Variants in SDK1 observed in about 807,000 individuals in gnomAD.
SDK1 encodes the protein sidekick cell adhesion molecule 1.
Under a neutral mutation model 245.5 loss-of-function variants are expected in SDK1, and 157 were observed. The ratio of observed to expected loss-of-function variants is 0.64; its 90% CI spans 0.56 to 0.73. The LOEUF is 0.73. Ranked by LOEUF, SDK1 falls within the 30% of genes least tolerant of loss-of-function variation. The pLI is 0.00. For synonymous variants in SDK1, 1,647 were observed against 1,278.5 expected, an observed-to-expected ratio of 1.29 and a Z score of -6.15; for missense variants, 3,583 against 3,002.3, an observed-to-expected ratio of 1.19 and a Z score of -4.52.
intron 4 of SDK1, among the ~76,000 whole-genome samples, chr7:3,799,038 G>A (rs1779038316): frequency 6.6e-6 from 1 of 151,926 alleles, no homozygotes; most frequent in Non-Finnish European, 1.5e-5. Flanking sequence ...TTGTCTCTTC[G>A]CCTTCAATTA....
At chr7:3,425,727 A>G (rs1427760766) in intron 1 of SDK1, among the ~76,000 whole-genome samples, 1 of 152,232 alleles carries the variant, frequency 6.6e-6, no homozygotes, top group Non-Finnish European at 1.5e-5. Context: ...AGATAAGTAG[A>G]AAAAGACAGT....
intron 1 of SDK1, among the ~76,000 whole-genome samples, chr7:3,367,788 C>T (rs1374093984): frequency 6.6e-6 from 1 of 152,194 alleles, no homozygotes; most frequent in Non-Finnish European, 1.5e-5. Context: ...CATGTACCTC[C>T]AGGGAATTCA....
chr7:3,826,638 A>T (rs1232592557), intron 5 of SDK1, among the ~76,000 whole-genome samples: 1 of 152,130 alleles, frequency 6.6e-6, no homozygotes, highest in Non-Finnish European at 1.5e-5. Flanking sequence ...CTCCGGGCAA[A>T]GGTGAAACTG....
At chr7:3,850,169 C>A (rs375127925) in intron 5 of SDK1, among the ~76,000 whole-genome samples, 2 of 152,308 alleles carry the variant, frequency 1.3e-5, no homozygotes, top group South Asian at 2.1e-4. Context: ...GACCCACCCC[C>A]CTTCGAGTCT....
intron 1 of SDK1, among the ~76,000 whole-genome samples, chr7:3,443,157 A>G (rs947142825): frequency 7.9e-5 from 12 of 151,936 alleles, no homozygotes; most frequent in African/African-American, 2.7e-4. Flanking sequence ...TTTATGTTCT[A>G]TATAGCAATG....
intron 38 of SDK1, among the ~76,000 whole-genome samples, chr7:4,210,927 A>ACACACAAGAATCCTGGGGAAGAT (rs1275677168): frequency 3.3e-5 from 5 of 152,196 alleles, no homozygotes; most frequent in African/African-American, 1.2e-4. Context: ...AAGGGCCCGG[A>ACACACAAGAATCCTGGGGAAGAT]CACACAAGAA....
At chr7:3,835,826 T>A (rs1780018082) in intron 5 of SDK1, among the ~76,000 whole-genome samples, 1 of 152,226 alleles carries the variant, frequency 6.6e-6, no homozygotes, top group Admixed American at 6.5e-5. Flanking sequence ...ATTGGGATGT[T>A]CTAAGTCAGG....
intron 2 of SDK1, among the ~76,000 whole-genome samples, chr7:3,626,935 T>A (rs1294705100): frequency 2.6e-5 from 4 of 152,084 alleles, no homozygotes; most frequent in East Asian, 1.9e-4. Context: ...CAATTTTTTT[T>A]TTTTTATTTT....
chr7:4,169,686 C>T (rs186059609), intron 32 of SDK1, among the ~76,000 whole-genome samples: 20 of 152,292 alleles, frequency 1.3e-4, no homozygotes, highest in African/African-American at 3.8e-4. Flanking sequence ...TCAGTGTTTG[C>T]GTGCATTCCT....
intron 7 of SDK1, among the ~76,000 whole-genome samples, chr7:3,957,396 G>A (rs942338550): frequency 6.6e-6 from 1 of 152,188 alleles, no homozygotes; most frequent in Non-Finnish European, 1.5e-5. Flanking sequence ...TTACCATTGC[G>A]GGAAGCCGAG....
intron 28 of SDK1, among the ~76,000 whole-genome samples, chr7:4,135,356 G>A (rs185510097): frequency 2.6e-5 from 4 of 152,296 alleles, no homozygotes; most frequent in Admixed American, 1.3e-4. Context: ...AAAGGTGAGC[G>A]CATTCACACT....
chr7:3,918,706 A>G (rs1391658287), intron 5 of SDK1, among the ~76,000 whole-genome samples: 3 of 152,160 alleles, frequency 2.0e-5, no homozygotes, highest in East Asian at 1.9e-4. Context: ...CCCTGTGCCA[A>G]AAAGGCTGGG....
chr7:4,133,312 A>C (rs568430984), intron 28 of SDK1, among the ~76,000 whole-genome samples: 1 of 152,228 alleles, frequency 6.6e-6, no homozygotes, highest in South Asian at 2.1e-4. Flanking sequence ...CAGTTCCTTG[A>C]CTCATTCACC....
At chr7:3,625,570 T>G (rs539390224) in intron 2 of SDK1, among the ~76,000 whole-genome samples, 2 of 152,284 alleles carry the variant, frequency 1.3e-5, no homozygotes, top group South Asian at 4.2e-4. Flanking sequence ...TGGCAGTCAC[T>G]CTAAGTGGCT....
At chr7:4,205,011 C>CGGA (rs148171334) in intron 35 of SDK1, among the ~76,000 whole-genome samples, 2,100 of 146,820 alleles carry the variant, frequency 0.014, 166 homozygotes, top group African/African-American at 0.024. Flanking sequence ...TGGTAAGGCG[C>CGGA]GGAGGTGCGG....
At chr7:3,553,686 G>T (rs1779489306) in intron 1 of SDK1, among the ~76,000 whole-genome samples, 1 of 152,166 alleles carries the variant, frequency 6.6e-6, no homozygotes, top group Admixed American at 6.5e-5. Context: ...GGGCTTCTGT[G>T]AAGCAATTGT....
intron 40 of SDK1, among the ~76,000 whole-genome samples, chr7:4,225,692 C>T (rs570927058): frequency 7.2e-5 from 11 of 152,192 alleles, no homozygotes; most frequent in Middle Eastern, 3.4e-3. Context: ...ACTGGGCCCA[C>T]GCCTCAGAGT....
In SDK1 at chr7:3,619,062, T is replaced by C; in HGVS notation, c.299-18T>C. On this transcript the variant is annotated intron_variant, in intron 1 of 44. Transcript: ENST00000404826. ...TGCGTACTTCAGTTTTGTTTTGTTT[T>C]GTTTTTTAATATTTCAGATGATGTT... The C allele has an allele frequency of 6.5e-7, 1 of 1,541,454 alleles. No homozygotes were observed. The highest frequency in any genetic ancestry group is 8.8e-7 in the Non-Finnish European group (1 of 1,134,528).
At chr7:3,374,453 C>G (rs901045203) in intron 1 of SDK1, among the ~76,000 whole-genome samples, 1 of 152,166 alleles carries the variant, frequency 6.6e-6, no homozygotes, top group Non-Finnish European at 1.5e-5. Flanking sequence ...ACTGTAGTGT[C>G]ATAGCCAGTC....
Sources: gnomAD v4.1 joint callset for allele counts (sites outside exome capture counted in the v4.1 genomes callset) on GRCh38, gnomAD v4.1.1 for gene constraint, MANE v1.5 for transcripts, NCBI Gene and HGNC (gene_info 2026-07-23, HGNC 2026-07-21) for gene names.